MOCS1: variants seen among roughly 807,000 people sequenced by gnomAD.
MOCS1 encodes the protein molybdenum cofactor synthesis 1, also known as molybdenum cofactor biosynthesis protein 1.
In MOCS1, 39 loss-of-function variants were observed where a neutral mutation model predicts 57.6. That is an observed-to-expected ratio of 0.68 (90% CI 0.52 to 0.88). The LOEUF is 0.88. Among genes scored for constraint, MOCS1 ranks in the 40% least tolerant of loss-of-function variants. The pLI is 0.00. For missense variants in MOCS1, 795 were observed against 831.1 expected (o/e 0.96, Z 0.53); for synonymous variants, 334 against 335.7 (o/e 1.00, Z 0.05).
chr6:39,918,325 G>A (rs1351935057), intron 3 of MOCS1, among the ~76,000 whole-genome samples: 1 of 152,216 alleles, frequency 6.6e-6, no homozygotes, highest in East Asian at 1.9e-4. Flanking sequence ...ATTAGAAAAG[G>A]CAGAATGTTA....
At position 39,906,111 on chromosome 6, in the gene MOCS1, C is replaced by T. The variant is rs777381570; in HGVS notation, c.*246G>A. On this transcript the variant is annotated 3_prime_UTR_variant, in exon 11 of 11. Coordinates refer to ENST00000340692, the MANE Select transcript of MOCS1 (RefSeq NM_001358530.2). ...ATTGCTTGTTGCAGTCCCGCTCCCACGACCTTAGTGTCCTGGAAGGCTTAA... is the reference window on the plus strand; with the variant it reads ...ATTGCTTGTTGCAGTCCCGCTCCCATGACCTTAGTGTCCTGGAAGGCTTAA... The T allele has an allele frequency of 7.4e-6, 5 of 672,370 alleles. No homozygotes were observed. Among genetic ancestry groups the T allele is most frequent in the South Asian group, 3.0e-5 (2 of 66,380 alleles). The allele number at this position is 672,370 out of a possible 1,614,324, so 41.7% of individuals were successfully genotyped here.
chr6:39,928,636 G>A (rs1295395026), intron 1 of MOCS1, among the ~76,000 whole-genome samples: 2 of 152,212 alleles, frequency 1.3e-5, no homozygotes, highest in Non-Finnish European at 2.9e-5. Context: ...ATGGGAATAA[G>A]AAACCCTGGT....
intron 3 of MOCS1, among the ~76,000 whole-genome samples, chr6:39,920,289 G>A (rs1202579898): frequency 1.3e-5 from 2 of 152,178 alleles, no homozygotes; most frequent in Admixed American, 6.5e-5. Flanking sequence ...GTGTTGGGAG[G>A]TCATTTGGCA....
intron 8 of MOCS1, 54 bp downstream of exon 8, chr6:39,912,210 A>C: frequency 5.3e-6 from 7 of 1,311,490 alleles, no homozygotes; most frequent in Non-Finnish European, 7.7e-6. Flanking sequence ...AGGTGGGAGG[A>C]GACATGAGAA....
chr6:39,927,442 C>G lies in MOCS1; in HGVS notation c.137G>C (p.Arg46Pro), dbSNP rs752673279. Residue 46 changes from arginine (R) to proline (P), a missense_variant, in exon 2 of 11, where the codon CGG becomes CCG. Transcript: ENST00000340692. ...CGCATGCTCCCGCAGGAACTGCCTC[C>G]GCCTGGACACCTCCTGCGAGGACAG... ...ARAASEEVSR[R>P]RQFLREHAAP... is the part of the protein sequence containing the mutation. 4 of 1,611,564 alleles carry G rather than the reference C, an allele frequency of 2.5e-6. No homozygotes were observed. In the East Asian group the frequency reaches 8.9e-5, roughly 36 times the overall value.
intron 1 of MOCS1, 99 bp downstream of exon 1, chr6:39,934,196 C>A (rs1035826009): frequency 2.1e-6 from 3 of 1,411,176 alleles, no homozygotes; most frequent in Non-Finnish European, 2.8e-6. Context: ...CTCCCAGAAG[C>A]GGTCAAGCAG....
intron 1 of MOCS1, among the ~76,000 whole-genome samples, chr6:39,928,225 C>T (rs146493842): frequency 0.024 from 3,620 of 150,114 alleles, 66 homozygotes; most frequent in Middle Eastern, 0.068. Flanking sequence ...AGTGCAGTAG[C>T]GCGATCTTGG....
At chr6:39,925,047 T>C (rs1361226853) in intron 3 of MOCS1, among the ~76,000 whole-genome samples, 1 of 152,140 alleles carries the variant, frequency 6.6e-6, no homozygotes, top group Non-Finnish European at 1.5e-5. Context: ...GCCACTGCAC[T>C]CTAGCCTAGG....
At chr6:39,924,528 G>A (rs902780145) in intron 3 of MOCS1, among the ~76,000 whole-genome samples, 3 of 152,224 alleles carry the variant, frequency 2.0e-5, no homozygotes, top group African/African-American at 7.2e-5. Flanking sequence ...TAGGGTAAGT[G>A]AGTAGGGCAG....
rs35825585 is a variant in MOCS1, at chr6:39,913,376, G to A, written c.698C>T (p.Ala233Val). 34,428 of 1,614,082 alleles carry A rather than the reference G, an allele frequency of 0.021. 1,830 individuals are homozygous for A. The highest frequency in any genetic ancestry group is 0.18 in the East Asian group (8,181 of 44,858). ...CAGGGGGAGGCCCTCAGTCAAGGCC[G>A]CAAAGTCCAGGAGTTCATCCTCGTT... ...GLNEDELLDF[A>V]ALTEGLPLDV... The change falls in exon 6 of 11, where the codon GCG becomes GTG. Residue 233 changes from alanine to valine, a missense_variant. By Grantham distance (64) the Ala-to-Val change is moderately conservative. This residue lies in a region of MOCS1 where 416 missense variants were observed against 392.4 expected (regional missense o/e 1.06). Coordinates refer to ENST00000340692, the MANE Select transcript of MOCS1 (RefSeq NM_001358530.2).
intron 8 of MOCS1, among the ~76,000 whole-genome samples, chr6:39,911,794 CCT>C (rs1326651749): frequency 6.6e-6 from 1 of 152,220 alleles, no homozygotes; most frequent in African/African-American, 2.4e-5. Flanking sequence ...CCACACATTG[CCT>C]CTGTTTGGTC....
At position 39,907,099 on chromosome 6, in the gene MOCS1, G is replaced by A. The variant is rs11969769; in HGVS notation, c.1169C>T (p.Pro390Leu). 1 of 1,611,992 alleles carries A rather than the reference G, an allele frequency of 6.2e-7. No homozygotes were observed. Among genetic ancestry groups the A allele is most frequent in the South Asian group, 1.1e-5 (1 of 90,964 alleles). ...MILIELFLMF[P>L]NSPPANPSIF... ...GCTTGGATTGGCTGGTGGGGAATTG[G>A]GGAACATCAAAAATAACTCTGCAAG... is the stretch of plus-strand genomic sequence containing the variant. The change falls in exon 11 of 11, where the codon CCC becomes CTC. Residue 390 changes from proline (P) to leucine (L), a missense_variant. Coordinates refer to ENST00000340692, the MANE Select transcript of MOCS1 (RefSeq NM_001358530.2).
chr6:39,906,280 AACCTG>A lies in MOCS1; in HGVS notation c.*72_*76del, dbSNP rs1391567580. On this transcript the variant is annotated 3_prime_UTR_variant, in exon 11 of 11. Coordinates refer to ENST00000340692, the MANE Select transcript of MOCS1 (RefSeq NM_001358530.2). ...AACAAACAGTGACTGTGATTAAAGG[AACCTG>A]ACGTCTTTCCCTCAGCCTACATTGC... 2 of 1,566,458 alleles carry A rather than the reference AACCTG, an allele frequency of 1.3e-6. No individual in the cohort carries two copies. Among genetic ancestry groups the A allele is most frequent in the African/African-American group, 2.7e-5 (2 of 73,984 alleles).
At chr6:39,928,075 C>T (rs1768439846) in intron 1 of MOCS1, among the ~76,000 whole-genome samples, 1 of 152,134 alleles carries the variant, frequency 6.6e-6, no homozygotes, top group African/African-American at 2.4e-5. Context: ...ACACCCACTC[C>T]ACAAGGGATT....
chr6:39,906,450 G>A lies in MOCS1; in HGVS notation c.1818C>T (p.Asp606=). 3.7e-6 allele frequency: 6 copies of A among 1,612,092 alleles called. No individual in the cohort carries two copies. The highest frequency in any genetic ancestry group is 2.2e-5 in the East Asian group (1 of 44,792). The stretch of plus-strand genomic sequence containing the variant: ...TGTCCCTGCTGACAGCCTTGCACAT[G>A]TCATACAGGGTGAGGGCGGCCACTG... The part of the protein sequence containing the change: ...SAAVAALTLY[D]MCKAVSRDIV... The change falls in exon 11 of 11, where the codon GAC becomes GAT. Residue 606 remains aspartate, a synonymous_variant. Coordinates refer to ENST00000340692, the MANE Select transcript of MOCS1 (RefSeq NM_001358530.2).
Position 39,904,483 on chromosome 6 carries a change from T to A in MOCS1, c.*1874A>T, listed in dbSNP as rs1766685445. Reference sequence around the variant, plus strand: ...CCCTCCCCACTGCTCCTGCCACCTTTAGATAAGTTTCTCTAGCTAATTTTG... The same window carrying A: ...CCCTCCCCACTGCTCCTGCCACCTTAAGATAAGTTTCTCTAGCTAATTTTG... On this transcript the variant is annotated 3_prime_UTR_variant, in exon 11 of 11. Coordinates refer to ENST00000340692, the MANE Select transcript of MOCS1 (RefSeq NM_001358530.2). 1 of 454,484 alleles carries A rather than the reference T, an allele frequency of 2.2e-6. No homozygotes were observed. The highest frequency in any genetic ancestry group is 6.9e-5 in the East Asian group (1 of 14,396). The allele number at this position is 454,484 out of a possible 1,614,324, so 28.2% of individuals were successfully genotyped here. A position where few individuals can be genotyped will look rare whatever the true frequency, so the allele number is the denominator to read the frequency against.
In MOCS1 at chr6:39,922,166, T is replaced by C. The variant is rs182051194; in HGVS notation, c.418+3512A>G. 2.0e-5 allele frequency among the ~76,000 whole-genome samples: 3 copies of C among 152,312 alleles called. No homozygotes were observed. The East Asian group carries it at 5.8e-4, about 29-fold the overall frequency. On this transcript the variant is annotated intron_variant, in intron 3 of 10. Coordinates refer to ENST00000340692, the MANE Select transcript of MOCS1 (RefSeq NM_001358530.2). ...GCAGCTGCTGGCCACATGAGGCTAC[T>C]TAAATGAACGAAAAAATCATAAAAT...
chr6:39,922,755 C>T (rs545041727), intron 3 of MOCS1, among the ~76,000 whole-genome samples: 30 of 152,300 alleles, frequency 2.0e-4, no homozygotes, highest in African/African-American at 7.0e-4. Flanking sequence ...GAGCTTCAGA[C>T]ATGGACCTGA....
chr6:39,906,022 T>G lies in MOCS1; in HGVS notation c.*335A>C. The G allele has an allele frequency of 1.9e-6, 1 of 523,462 alleles. No individual in the cohort carries two copies. The highest frequency in any genetic ancestry group is 3.7e-6 in the Non-Finnish European group (1 of 272,798). The allele number at this position is 523,462 out of a possible 1,614,324, so 32.4% of individuals were successfully genotyped here. On this transcript the variant is annotated 3_prime_UTR_variant, in exon 11 of 11. Transcript: ENST00000340692. ...AAAATGAGAAGGAAAAGTTCTGGGC[T>G]GGACTGTCGGAACCTGGTTGTCTGA...
Sources: allele counts gnomAD v4.1 joint callset (sites outside exome capture counted in the v4.1 genomes callset), GRCh38; gene constraint gnomAD v4.1.1; regional missense constraint gnomAD v4.1.1; transcripts MANE v1.5; gene names NCBI Gene and HGNC (gene_info 2026-07-23, HGNC 2026-07-21).